The following MEMO1 variants were observed in gnomAD, a reference collection of about 807,000 sequenced individuals.
The protein encoded by MEMO1 is protein MEMO1.
MEMO1 carries 6 observed loss-of-function variants against 45.2 expected under a neutral mutation model. That is an observed-to-expected ratio of 0.13 (90% CI 0.07 to 0.26). MEMO1 has a LOEUF of 0.26. Ranked by LOEUF, MEMO1 falls within the 10% of genes least tolerant of loss-of-function variation. MEMO1 has a pLI of 1.00. For missense variants in MEMO1, 184 were observed against 370.5 expected, an observed-to-expected ratio of 0.50 and a Z score of 4.13; for synonymous variants, 78 against 124.3, an observed-to-expected ratio of 0.63 and a Z score of 2.48.
At chr2:31,872,038 C>CACACACACACACACACACAA (rs1308559951) in intron 8 of MEMO1, among the ~76,000 whole-genome samples, 5 of 151,614 alleles carry the variant, frequency 3.3e-5, no homozygotes, top group African/African-American at 1.2e-4. Flanking sequence ...CACACACACA[C>CACACACACACACACACACAA]ACACACAAAG....
intron 2 of MEMO1, among the ~76,000 whole-genome samples, chr2:32,006,334 A>C (rs1674064127): frequency 6.6e-6 from 1 of 152,202 alleles, no homozygotes; most frequent in South Asian, 2.1e-4. Flanking sequence ...TAAGGGCCTA[A>C]AATAATGGGA....
chr2:31,905,696 G>C (rs1572633973), intron 6 of MEMO1, among the ~76,000 whole-genome samples: 1 of 152,108 alleles, frequency 6.6e-6, no homozygotes, highest in African/African-American at 2.4e-5. Context: ...TTCTGATAAT[G>C]GCAATATTAT....
chr2:31,870,372 A>T, intron 8 of MEMO1, among the ~76,000 whole-genome samples: 1 of 152,210 alleles, frequency 6.6e-6, no homozygotes, highest in East Asian at 1.9e-4. Context: ...TATCCATTAT[A>T]TTCTGCCTCC....
chr2:31,996,170 AGAGAGGGAGAG>A (rs1308374861), intron 2 of MEMO1, among the ~76,000 whole-genome samples: 1 of 151,354 alleles, frequency 6.6e-6, no homozygotes. Context: ...AGGAAGGGAG[AGAGAGGGAGAG>A]GAGAGGGAGA....
intron 4 of MEMO1, among the ~76,000 whole-genome samples, chr2:31,928,633 G>A (rs1683483736): frequency 6.6e-6 from 1 of 151,424 alleles, no homozygotes; most frequent in Non-Finnish European, 1.5e-5. Flanking sequence ...CATTCTGTCA[G>A]TTTAAGAATC....
chr2:31,943,255 A>T, intron 3 of MEMO1, 47 bp downstream of exon 3: 4 of 1,324,758 alleles, frequency 3.0e-6, no homozygotes, highest in Non-Finnish European at 4.3e-6. Flanking sequence ...ACACAGGGAG[A>T]CTCCTTCTCA....
At chr2:31,965,517 A>G (rs764615187) in intron 2 of MEMO1, among the ~76,000 whole-genome samples, 8 of 152,206 alleles carry the variant, frequency 5.3e-5, no homozygotes, top group Non-Finnish European at 8.8e-5. Context: ...GTTGGAAAGA[A>G]TATTATAAAT....
At chr2:31,996,434 T>C (rs1450835200) in intron 2 of MEMO1, among the ~76,000 whole-genome samples, 1 of 151,846 alleles carries the variant, frequency 6.6e-6, no homozygotes, top group Non-Finnish European at 1.5e-5. Context: ...TAGTCCCAGC[T>C]GAGGGAGGCT....
Position 32,002,180 on chromosome 2 carries a change from T to TACACACAC in MEMO1, c.61+8006_61+8007insGTGTGTGT, listed in dbSNP as rs753814451. On this transcript the variant is annotated intron_variant, in intron 2 of 9. Transcript: ENST00000404530. Reference sequence around the variant, plus strand: ...AAAAAAAAAAAAAAATATATATATATATATATACACACACACACACACATG... The same window carrying TACACACAC: ...AAAAAAAAAAAAAAATATATATATATACACACACATATATACACACACACACACACATG... Among the ~76,000 whole-genome samples the TACACACAC allele has an allele frequency of 1.2e-3, 157 of 127,316 alleles. 1 individual carries two copies. Among genetic ancestry groups the TACACACAC allele is most frequent in the Non-Finnish European group, 2.2e-3 (134 of 62,156 alleles). The allele number at this position is 127,316 out of a possible 152,430, so 83.5% of individuals were successfully genotyped here.
chr2:31,923,879 T>C (rs1288083348), intron 4 of MEMO1: 8 of 1,055,588 alleles, frequency 7.6e-6, no homozygotes, highest in Admixed American at 3.5e-5. Flanking sequence ...AGAGGTCTGC[T>C]GGAAGCCTAA....
intron 6 of MEMO1, among the ~76,000 whole-genome samples, chr2:31,900,401 A>G (rs745961004): frequency 8.5e-5 from 13 of 152,200 alleles, no homozygotes; most frequent in Non-Finnish European, 1.8e-4. Context: ...GAAGCCGGAA[A>G]CCATCATTGT....
intron 2 of MEMO1, among the ~76,000 whole-genome samples, chr2:31,944,916 A>T (rs1305380170): frequency 6.6e-6 from 1 of 152,154 alleles, no homozygotes; most frequent in Non-Finnish European, 1.5e-5. Flanking sequence ...CCCACTGCCT[A>T]AATAAATTAA....
intron 2 of MEMO1, among the ~76,000 whole-genome samples, chr2:31,968,206 T>A (rs1668860953): frequency 6.6e-6 from 1 of 152,104 alleles, no homozygotes; most frequent in African/African-American, 2.4e-5. Context: ...CTCAAACCAA[T>A]GAACATCTGT....
At chr2:31,954,768 AG>A (rs1322020831) in intron 2 of MEMO1, among the ~76,000 whole-genome samples, 1 of 151,668 alleles carries the variant, frequency 6.6e-6, no homozygotes, top group African/African-American at 2.4e-5. Flanking sequence ...CAGGAGGCGG[AG>A]GTTGCAGTAA....
chr2:31,982,704 A>T (rs1670797821), intron 2 of MEMO1, among the ~76,000 whole-genome samples: 1 of 152,130 alleles, frequency 6.6e-6, no homozygotes, highest in Admixed American at 6.6e-5. Flanking sequence ...AAAGCTGTAT[A>T]AAAACTTATA....
chr2:31,918,843 G>A (rs1681861854), intron 5 of MEMO1, among the ~76,000 whole-genome samples: 1 of 151,984 alleles, frequency 6.6e-6, no homozygotes, highest in East Asian at 1.9e-4. Flanking sequence ...AGAAATAAAT[G>A]GTTGTATGAC....
At chr2:31,966,041 A>G (rs1340674797) in intron 2 of MEMO1, among the ~76,000 whole-genome samples, 3 of 152,234 alleles carry the variant, frequency 2.0e-5, no homozygotes, top group Non-Finnish European at 4.4e-5. Flanking sequence ...ATTAAATGGA[A>G]TAACACATAT....
At chr2:31,965,435 T>C (rs17011721) in intron 2 of MEMO1, among the ~76,000 whole-genome samples, 22,782 of 152,026 alleles carry the variant, frequency 0.15, 1,950 homozygotes, top group African/African-American at 0.23. Context: ...CATAGGATAA[T>C]AATCTTGTAA....
intron 2 of MEMO1, among the ~76,000 whole-genome samples, chr2:31,975,500 C>G (rs1035373481): frequency 6.6e-6 from 1 of 152,092 alleles, no homozygotes; most frequent in African/African-American, 2.4e-5. Context: ...ATGGGAGGTG[C>G]CACCCAGATC....
Sources: allele counts gnomAD v4.1 joint callset (sites outside exome capture counted in the v4.1 genomes callset), GRCh38; gene constraint gnomAD v4.1.1; transcripts MANE v1.5; gene names NCBI Gene and HGNC (gene_info 2026-07-23, HGNC 2026-07-21).